NBEAL1: variants seen among roughly 807,000 people sequenced by gnomAD.
The protein encoded by NBEAL1 is neurobeachin like 1.
In NBEAL1, 273 loss-of-function variants were observed where a neutral mutation model predicts 351.3. The observed-to-expected ratio is 0.78, with a 90% CI of 0.70 to 0.86. NBEAL1 has a LOEUF of 0.86. Ranked by LOEUF, NBEAL1 falls within the 40% of genes least tolerant of loss-of-function variation. NBEAL1 has a pLI of 0.00. For synonymous variants in NBEAL1, 1,050 were observed against 1,086.4 expected (o/e 0.97, Z 0.66); for missense variants, 2,961 against 3,201.3 (o/e 0.92, Z 1.81).
rs550469797 is a variant in NBEAL1, at chr2:203,219,964, A to G, written c.*2610A>G. 5 of 152,332 alleles carry G rather than the reference A, an allele frequency of 3.3e-5. No individual in the cohort carries two copies. Among genetic ancestry groups the G allele is most frequent in the African/African-American group, 1.2e-4 (5 of 41,576 alleles). 9.4% of individuals were successfully genotyped at this position (152,332 alleles called of 1,614,324 possible). A position where few individuals can be genotyped will look rare whatever the true frequency, so the allele number is the denominator to read the frequency against. On this transcript the variant is annotated 3_prime_UTR_variant, in exon 56 of 56. Coordinates refer to ENST00000683969, the MANE Select transcript of NBEAL1 (RefSeq NM_001378026.1). ...TATCTGTTAAAAGAAGCAAACAACT[A>G]TTAGTGAATAATATATTACTCATTT...
chr2:203,110,879 T>G (rs1269030115), intron 15 of NBEAL1, among the ~76,000 whole-genome samples: 1 of 149,934 alleles, frequency 6.7e-6, no homozygotes, highest in Non-Finnish European at 1.5e-5. Flanking sequence ...AATTCTCCTG[T>G]CTCAGCCTCC....
rs1016101524 is a variant in NBEAL1, at chr2:203,224,248, C to A, written c.*6894C>A. On this transcript the variant is annotated 3_prime_UTR_variant, in exon 56 of 56. Transcript: ENST00000683969. ...ATCACCAAACTTTTTTTGTGGCAAACTGCTTATTTTATAAGTAGCTTTATA... is the reference window on the plus strand; with the variant it reads ...ATCACCAAACTTTTTTTGTGGCAAAATGCTTATTTTATAAGTAGCTTTATA... Among the ~76,000 whole-genome samples the A allele has an allele frequency of 1.3e-5, 2 of 152,058 alleles. No homozygotes were observed. Among genetic ancestry groups the A allele is most frequent in the Middle Eastern group, 3.4e-3 (1 of 294 alleles).
intron 25 of NBEAL1, among the ~76,000 whole-genome samples, chr2:203,131,439 C>T (rs2063070230): frequency 6.6e-6 from 1 of 152,218 alleles, no homozygotes; most frequent in Admixed American, 6.5e-5. Context: ...TGGTCTCGAA[C>T]TCCTGACCTC....
intron 18 of NBEAL1, among the ~76,000 whole-genome samples, chr2:203,121,123 T>C (rs1350619764): frequency 6.6e-6 from 1 of 152,212 alleles, no homozygotes; most frequent in African/African-American, 2.4e-5. Flanking sequence ...TTACTCTGAA[T>C]GCAGCCAGAA....
Position 203,107,994 on chromosome 2 carries a change from A to G in NBEAL1, c.1755A>G (p.Thr585=), listed in dbSNP as rs1351649055. 2.6e-6 allele frequency: 4 copies of G among 1,554,618 alleles called. No homozygotes were observed. The highest frequency in any genetic ancestry group is 1.4e-5 in the African/African-American group (1 of 73,600). The change falls in exon 14 of 56, where the codon ACA becomes ACG. Residue 585 remains threonine, a synonymous_variant. Transcript: ENST00000683969. ...CTCCCGTGACTCGAGCAATCCTGAC[A>G]ATGGCCCGAAAACTAAGTCTAGAGA... ...YVTPVTRAIL[T]MARKLSLESA... is the part of the protein sequence containing the mutation.
At position 203,127,806 on chromosome 2, in the gene NBEAL1, T is replaced by C; in HGVS notation, c.3274T>C (p.Ser1092Pro). 6.6e-7 allele frequency: 1 copy of C among 1,516,258 alleles called. No homozygotes were observed. The highest frequency in any genetic ancestry group is 9.0e-7 in the Non-Finnish European group (1 of 1,114,830). 93.9% of individuals were successfully genotyped at this position (1,516,258 alleles called of 1,614,324 possible). A position where few individuals can be genotyped will look rare whatever the true frequency, so the allele number is the denominator to read the frequency against. ...GAATGGTTGTAAATATAATGAACTA[T>C]CTCTAGATGATATTCGAACAATAAG... is the stretch of plus-strand genomic sequence containing the variant. The part of the protein sequence containing the change: ...YGNGCKYNEL[S>P]LDDIRTIRTS... Residue 1092 changes from serine (S) to proline (P), a missense_variant, in exon 24 of 56, where the codon TCT (serine) becomes CCT (proline). Ser to Pro is a moderately conservative substitution (Grantham distance 74). Coordinates refer to ENST00000683969, the MANE Select transcript of NBEAL1 (RefSeq NM_001378026.1).
In NBEAL1 at chr2:203,149,296, A is replaced by G. The variant is rs2063589846; in HGVS notation, c.5462+148A>G. On this transcript the variant is annotated intron_variant, in intron 34 of 55. Transcript: ENST00000683969. ...AATCTTATTTATTGTCTTTCCATGAATTATAGGTCTGGGATGATTCGAGGT... is the reference window on the plus strand; with the variant it reads ...AATCTTATTTATTGTCTTTCCATGAGTTATAGGTCTGGGATGATTCGAGGT... 9 of 576,896 alleles carry G rather than the reference A, an allele frequency of 1.6e-5. No homozygotes were observed. In the South Asian group the frequency reaches 3.2e-4, roughly 20 times the overall value. The allele number at this position is 576,896 out of a possible 1,614,324, so 35.7% of individuals were successfully genotyped here. A position where few individuals can be genotyped will look rare whatever the true frequency, so the allele number is the denominator to read the frequency against.
chr2:203,132,182 G>A (rs1406605324), intron 26 of NBEAL1, 50 bp downstream of exon 26: 10 of 1,258,558 alleles, frequency 7.9e-6, no homozygotes, highest in Non-Finnish European at 1.1e-5. Context: ...GTTTTTTCCT[G>A]TAAGTTTTTT....
At chr2:203,070,305 T>C (rs1249859122) in intron 7 of NBEAL1, among the ~76,000 whole-genome samples, 2 of 151,542 alleles carry the variant, frequency 1.3e-5, no homozygotes, top group African/African-American at 4.8e-5. Context: ...TGGCCCAAAC[T>C]ACCTTTGGTT....
rs1357453977 is a variant in NBEAL1, at chr2:203,223,909, C to T, written c.*6555C>T. On this transcript the variant is annotated 3_prime_UTR_variant, in exon 56 of 56. Transcript: ENST00000683969. ...CAGAATGTGAAAGTTATATTAATCACTAAACACTTTAAGAAGTGGTTCTGG... is the reference window on the plus strand; with the variant it reads ...CAGAATGTGAAAGTTATATTAATCATTAAACACTTTAAGAAGTGGTTCTGG... Among the ~76,000 whole-genome samples the T allele has an allele frequency of 6.6e-6, 1 of 151,998 alleles. No individual in the cohort carries two copies. Among genetic ancestry groups the T allele is most frequent in the Admixed American group, 6.6e-5 (1 of 15,262 alleles).
chr2:203,208,565 T>G, intron 51 of NBEAL1, 72 bp from the exon 52 acceptor site: 1 of 1,019,510 alleles, frequency 9.8e-7, no homozygotes, highest in Admixed American at 2.1e-5. Flanking sequence ...AAGGTTTAAA[T>G]GCAATATAAA....
intron 2 of NBEAL1, among the ~76,000 whole-genome samples, chr2:203,021,329 C>T (rs576269855): frequency 2.0e-5 from 3 of 151,114 alleles, no homozygotes; most frequent in Non-Finnish European, 4.4e-5. Flanking sequence ...TGTGGTGGCT[C>T]ATGCCTGTAA....
chr2:203,062,983 G>A lies in NBEAL1; in HGVS notation c.516-5410G>A, dbSNP rs1000270515. Among the ~76,000 whole-genome samples the A allele has an allele frequency of 7.2e-5, 11 of 152,142 alleles. No individual in the cohort carries two copies. Among genetic ancestry groups the A allele is most frequent in the African/African-American group, 2.2e-4 (9 of 41,432 alleles). On this transcript the variant is annotated intron_variant, in intron 6 of 55. Coordinates refer to ENST00000683969, the MANE Select transcript of NBEAL1 (RefSeq NM_001378026.1). This position sits in a 1 kb window ranked among gnomAD's most constrained non-coding sequence, Gnocchi z 4.2. ...TGTGTTTAATGCTTACCAAAATAGC[G>A]AAAGCAGGTTAGAATAGATTTAATT...
At chr2:203,135,045 G>A (rs1030678066) in intron 27 of NBEAL1, among the ~76,000 whole-genome samples, 2 of 151,940 alleles carry the variant, frequency 1.3e-5, no homozygotes, top group African/African-American at 4.8e-5. Flanking sequence ...GAGTGGTGCT[G>A]TGTGCCTGTA....
chr2:203,222,465 A>G lies in NBEAL1; in HGVS notation c.*5111A>G, dbSNP rs980866939. On this transcript the variant is annotated 3_prime_UTR_variant, in exon 56 of 56. Coordinates refer to ENST00000683969, the MANE Select transcript of NBEAL1 (RefSeq NM_001378026.1). ...GACTTATTTGAAAATAGGCTTAATC[A>G]TTATCCTGAGGGACATTTTGTCTAA... 4.1e-4 allele frequency among the ~76,000 whole-genome samples: 62 copies of G among 152,146 alleles called. No homozygotes were observed. The highest frequency in any genetic ancestry group is 1.4e-3 in the African/African-American group (56 of 41,450).
chr2:203,162,643 C>G (rs2064001608), intron 36 of NBEAL1, among the ~76,000 whole-genome samples: 1 of 152,028 alleles, frequency 6.6e-6, no homozygotes, highest in African/African-American at 2.4e-5. Flanking sequence ...ACTTGGGAGG[C>G]TGAAGTGGGA....
chr2:203,116,108 C>A, intron 18 of NBEAL1, 38 bp downstream of exon 18: 1 of 1,400,018 alleles, frequency 7.1e-7, no homozygotes, highest in Non-Finnish European at 9.9e-7. Context: ...CTAGTTATAA[C>A]TATGTTGTGA....
At chr2:203,048,280 C>T (rs967612722) in intron 3 of NBEAL1, among the ~76,000 whole-genome samples, 23 of 150,920 alleles carry the variant, frequency 1.5e-4, no homozygotes, top group African/African-American at 5.6e-4. Flanking sequence ...TACTCGGGAG[C>T]CTGAGGCATG....
intron 38 of NBEAL1, 37 bp from the exon 39 acceptor site, chr2:203,169,710 G>T: frequency 8.8e-7 from 1 of 1,136,880 alleles, no homozygotes; most frequent in Non-Finnish European, 1.3e-6. Flanking sequence ...AGTTTGTCTT[G>T]ATTCATTTTT....
Sources: gnomAD v4.1 joint callset for allele counts (sites outside exome capture counted in the v4.1 genomes callset) on GRCh38, gnomAD v4.1.1 for gene constraint, Gnocchi (gnomAD v3.1) non-coding constraint, MANE v1.5 for transcripts, NCBI Gene and HGNC (gene_info 2026-07-23, HGNC 2026-07-21) for gene names.